ANAPC4: variants seen among roughly 807,000 people sequenced by gnomAD.
ANAPC4 encodes the protein anaphase-promoting complex subunit 4.
In ANAPC4, 63 loss-of-function variants were observed where a neutral mutation model predicts 119.8. That is an observed-to-expected ratio of 0.53 (90% CI 0.43 to 0.65). The LOEUF is 0.65. ANAPC4 is among the 30% of genes least tolerant of loss of function. The pLI is 0.00. For synonymous variants in ANAPC4, 283 were observed against 318.6 expected (o/e 0.89, Z 1.19); for missense variants, 716 against 945.1 (o/e 0.76, Z 3.18).
At chr4:25,396,810 T>C (rs191381951) in intron 15 of ANAPC4, 38 bp from the exon 16 acceptor site, 15 of 1,609,370 alleles carry the variant, frequency 9.3e-6, no homozygotes, top group Middle Eastern at 1.7e-4. Context: ...ACAGTTTACT[T>C]ATTTGACAAA....
intron 3 of ANAPC4, among the ~76,000 whole-genome samples, chr4:25,382,421 G>A (rs901046263): frequency 6.6e-6 from 1 of 152,142 alleles, no homozygotes; most frequent in African/African-American, 2.4e-5. Flanking sequence ...TAGAATATGT[G>A]TAAGATTAGA....
intron 10 of ANAPC4, 96 bp downstream of exon 10, chr4:25,392,517 T>C: frequency 1.1e-6 from 1 of 928,102 alleles, no homozygotes; most frequent in South Asian, 1.5e-5. Flanking sequence ...TAAAGCTTTC[T>C]GAAGTAGAGG....
intron 20 of ANAPC4, 151 bp from the exon 21 acceptor site, chr4:25,409,547 T>A: frequency 1.7e-6 from 1 of 576,916 alleles, no homozygotes; most frequent in Non-Finnish European, 3.0e-6. Flanking sequence ...AAGTAACTTA[T>A]TAAGTTAAAA....
intron 10 of ANAPC4, 54 bp downstream of exon 10, chr4:25,392,475 C>A: frequency 6.8e-7 from 1 of 1,460,580 alleles, no homozygotes; most frequent in South Asian, 1.2e-5. Flanking sequence ...TTCTAAAGTT[C>A]TGTAAATAAA....
At chr4:25,390,241 T>C (rs762895109) in intron 8 of ANAPC4, 21 bp downstream of exon 8, 20 of 1,548,026 alleles carry the variant, frequency 1.3e-5, no homozygotes, top group Non-Finnish European at 1.7e-5. Flanking sequence ...TTTAACATTT[T>C]CTCTTCCTAA....
chr4:25,389,979 A>AAAT (rs1202988411), intron 7 of ANAPC4, among the ~76,000 whole-genome samples, 157 bp from the exon 8 acceptor site: 10 of 152,206 alleles, frequency 6.6e-5, no homozygotes, highest in South Asian at 4.1e-4. Flanking sequence ...ATGTGACTGA[A>AAAT]TATTGAGTGT....
chr4:25,390,854 A>G, intron 8 of ANAPC4, 57 bp from the exon 9 acceptor site: 1 of 1,339,720 alleles, frequency 7.5e-7, no homozygotes, highest in Non-Finnish European at 1.0e-6. Context: ...CTGCATGATA[A>G]TCAGCTTCAA....
intron 7 of ANAPC4, among the ~76,000 whole-genome samples, chr4:25,389,159 A>ATTT (rs113710613): frequency 9.8e-5 from 13 of 132,166 alleles, no homozygotes; most frequent in South Asian, 2.4e-4. Flanking sequence ...CACCCAGCTA[A>ATTT]TTTTTTTTTT....
At chr4:25,410,171 T>C (rs1723483805) in intron 21 of ANAPC4, among the ~76,000 whole-genome samples, 2 of 152,128 alleles carry the variant, frequency 1.3e-5, no homozygotes, top group South Asian at 2.1e-4. Flanking sequence ...TCTCCTCGGG[T>C]TGTAGTTGGT....
Position 25,380,436 on chromosome 4 carries a change from A to C in ANAPC4, c.192A>C (p.Thr64=), listed in dbSNP as rs757242136. The C allele has an allele frequency of 1.2e-6, 2 of 1,613,514 alleles. No individual in the cohort carries two copies. Among genetic ancestry groups the C allele is most frequent in the East Asian group, 4.5e-5 (2 of 44,858 alleles). Residue 64 remains threonine, a synonymous_variant, in exon 3 of 29, where the codon ACA becomes ACC. Coordinates refer to ENST00000315368, the MANE Select transcript of ANAPC4 (RefSeq NM_013367.3). ...GGAGTTTTCCACCAAATGAAAATAC[A>C]GGAAAGGAGGTGACGTGTCTGGCAT... The part of the protein sequence containing the change: ...RVWSFPPNEN[T]GKEVTCLAWR...
At chr4:25,390,331 ATTATTC>A (rs1722276978) in intron 8 of ANAPC4, 111 bp downstream of exon 8, 2 of 691,340 alleles carry the variant, frequency 2.9e-6, no homozygotes, top group Non-Finnish European at 4.6e-6. Context: ...GATTTTTGGA[ATTATTC>A]TTAAATGTTC....
intron 9 of ANAPC4, 31 bp downstream of exon 9, chr4:25,391,046 G>T: frequency 6.9e-7 from 1 of 1,450,624 alleles, no homozygotes. Flanking sequence ...ACGGTAGAGA[G>T]TAAATATGTA....
chr4:25,402,420 A>G (rs1723026437), intron 16 of ANAPC4, among the ~76,000 whole-genome samples: 1 of 152,216 alleles, frequency 6.6e-6, no homozygotes, highest in African/African-American at 2.4e-5. Flanking sequence ...TATAACACTT[A>G]ATTTTGGGGG....
Position 25,393,803 on chromosome 4 carries a change from AGTAT to A in ANAPC4, c.790-1_792del. ...ATTTCAATTTTTCTTTTTTGCTAAT[AGTAT>A]ATAAATTTGTCACTAACATGTATGT... On this transcript the variant is annotated splice_acceptor_variant and coding_sequence_variant, in exon 11 of 29. Transcript: ENST00000315368. LOFTEE classifies it high-confidence loss of function. The A allele has an allele frequency of 6.3e-7, 1 of 1,575,928 alleles. No homozygotes were observed. The highest frequency in any genetic ancestry group is 1.8e-5 in the Admixed American group (1 of 54,206).
At chr4:25,396,973 C>A in intron 16 of ANAPC4, 74 bp downstream of exon 16, 1 of 1,400,518 alleles carries the variant, frequency 7.1e-7, no homozygotes, top group Non-Finnish European at 9.8e-7. Flanking sequence ...ACCTAGTAAG[C>A]TGTTATGATT....
In ANAPC4 at chr4:25,377,329, G is replaced by T. The variant is rs1016673823; in HGVS notation, c.-26G>T. The T allele has an allele frequency of 1.3e-6, 2 of 1,513,436 alleles. No homozygotes were observed. 93.8% of individuals were successfully genotyped at this position (1,513,436 alleles called of 1,614,324 possible). On this transcript the variant is annotated 5_prime_UTR_variant, in exon 1 of 29. Coordinates refer to ENST00000315368, the MANE Select transcript of ANAPC4 (RefSeq NM_013367.3). ...CCACTGGGGCCGTGTTAGTCTGCCG[G>T]TGGGGACTCTTGCAGGTACAGGCGC... is the stretch of plus-strand genomic sequence containing the variant.
intron 4 of ANAPC4, among the ~76,000 whole-genome samples, chr4:25,384,158 C>G (rs559437771): frequency 6.6e-6 from 1 of 152,354 alleles, no homozygotes; most frequent in East Asian, 1.9e-4. Context: ...TCCATCTCAA[C>G]AAAGCACTTT....
intron 4 of ANAPC4, among the ~76,000 whole-genome samples, chr4:25,387,132 G>A (rs1416586128): frequency 6.6e-6 from 1 of 152,042 alleles, no homozygotes; most frequent in Non-Finnish European, 1.5e-5. Flanking sequence ...TTTGTCCATG[G>A]TCCTGATAAT....
At position 25,412,659 on chromosome 4, in the gene ANAPC4, G is replaced by T. The variant is rs577570679; in HGVS notation, c.1526-986G>T. Among the ~76,000 whole-genome samples, 3 of 152,056 alleles carry T rather than the reference G, an allele frequency of 2.0e-5. No homozygotes were observed. The South Asian group carries it at 6.2e-4, about 32-fold the overall frequency. ...CCTGTTACTCGGGACACTGAGGCAG[G>T]AGAATCGCTTGAATCCGGGAGGCAG... is the stretch of plus-strand genomic sequence containing the variant. On this transcript the variant is annotated intron_variant, in intron 21 of 28. Transcript: ENST00000315368.
Sources: allele counts gnomAD v4.1 joint callset (sites outside exome capture counted in the v4.1 genomes callset), GRCh38; gene constraint gnomAD v4.1.1; transcripts MANE v1.5; gene names NCBI Gene and HGNC (gene_info 2026-07-23, HGNC 2026-07-21).